Variants in HOMER1 observed in about 807,000 individuals in gnomAD.
The protein encoded by HOMER1 is homer protein homolog 1.
HOMER1 carries 3 observed loss-of-function variants against 48.9 expected under a neutral mutation model. The observed-to-expected ratio is 0.06, with a 90% confidence interval of 0.03 to 0.16. HOMER1 has a LOEUF of 0.16. HOMER1 is among the 10% of genes least tolerant of loss of function. The pLI is 1.00. For missense variants in HOMER1, 247 were observed against 411.4 expected (o/e 0.60, Z 3.46); for synonymous variants, 134 against 146.4 (o/e 0.92, Z 0.61).
At chr5:79,412,240 T>C (rs1749831673) in intron 5 of HOMER1, among the ~76,000 whole-genome samples, 2 of 152,348 alleles carry the variant, frequency 1.3e-5, no homozygotes, top group South Asian at 4.1e-4. Flanking sequence ...TCCACAGCAC[T>C]GCTTGTCTCA....
At chr5:79,478,472 T>G (rs570904675) in intron 1 of HOMER1, among the ~76,000 whole-genome samples, 1 of 151,412 alleles carries the variant, frequency 6.6e-6, no homozygotes, top group East Asian at 2.0e-4. Context: ...GCGGATTGCC[T>G]GAGCTCAGGA....
intron 6 of HOMER1, among the ~76,000 whole-genome samples, chr5:79,399,016 T>C (rs2112216905): frequency 6.6e-6 from 1 of 152,356 alleles, no homozygotes; most frequent in Non-Finnish European, 1.5e-5. Context: ...TCTTGGGAAT[T>C]ATTTCACTTA....
At chr5:79,435,848 C>T (rs1162199036) in intron 5 of HOMER1, among the ~76,000 whole-genome samples, 56 of 140,450 alleles carry the variant, frequency 4.0e-4, no homozygotes, top group Non-Finnish European at 7.1e-4. Context: ...ATAAATAGGC[C>T]GGGCGCGGTG....
intron 8 of HOMER1, among the ~76,000 whole-genome samples, chr5:79,389,787 G>C (rs1377761323): frequency 2.6e-5 from 4 of 152,080 alleles, no homozygotes; most frequent in East Asian, 3.8e-4. Flanking sequence ...AGCACAAAAG[G>C]ACTAAGACAG....
intron 1 of HOMER1, among the ~76,000 whole-genome samples, chr5:79,494,833 C>T (rs1272345416): frequency 6.6e-6 from 1 of 152,224 alleles, no homozygotes; most frequent in African/African-American, 2.4e-5. Context: ...CGTGCCATTG[C>T]ACTCCAGCCT....
At chr5:79,418,746 T>C (rs1161258379) in intron 5 of HOMER1, among the ~76,000 whole-genome samples, 2 of 152,240 alleles carry the variant, frequency 1.3e-5, no homozygotes, top group Non-Finnish European at 2.9e-5. Context: ...CACAGCAATA[T>C]TAAGACGCCC....
At chr5:79,470,837 T>C (rs2112324574) in intron 1 of HOMER1, among the ~76,000 whole-genome samples, 1 of 152,246 alleles carries the variant, frequency 6.6e-6, no homozygotes, top group East Asian at 1.9e-4. Flanking sequence ...TTGTAGCATA[T>C]CCAGTGACAT....
intron 2 of HOMER1, among the ~76,000 whole-genome samples, chr5:79,452,642 G>C (rs1459158897): frequency 1.3e-5 from 2 of 151,982 alleles, no homozygotes; most frequent in African/African-American, 4.8e-5. Flanking sequence ...AGCTATGCAG[G>C]TATTGGAGAA....
intron 1 of HOMER1, among the ~76,000 whole-genome samples, chr5:79,482,454 T>C (rs142125213): frequency 4.6e-5 from 7 of 152,066 alleles, no homozygotes; most frequent in African/African-American, 1.7e-4. Flanking sequence ...GCAGTTACAC[T>C]TGAACGTATT....
intron 8 of HOMER1, among the ~76,000 whole-genome samples, chr5:79,377,764 G>A (rs6865110): frequency 0.021 from 3,244 of 152,166 alleles, 112 homozygotes; most frequent in African/African-American, 0.072. Flanking sequence ...GCAAAAATTC[G>A]TATGCATGAG....
At chr5:79,435,525 A>G (rs1264038884) in intron 5 of HOMER1, among the ~76,000 whole-genome samples, 1 of 152,252 alleles carries the variant, frequency 6.6e-6, no homozygotes, top group Non-Finnish European at 1.5e-5. Flanking sequence ...GCTAAAACAC[A>G]TATTGGAGAA....
chr5:79,503,540 A>G (rs1274342761), intron 1 of HOMER1, among the ~76,000 whole-genome samples: 3 of 145,448 alleles, frequency 2.1e-5, no homozygotes, highest in Admixed American at 2.0e-4. Context: ...AAGAGAAAAA[A>G]AAAAAAAAAA....
chr5:79,441,507 A>G (rs991614370), intron 4 of HOMER1, among the ~76,000 whole-genome samples: 9 of 152,184 alleles, frequency 5.9e-5, no homozygotes, highest in Non-Finnish European at 1.0e-4. Context: ...AGCAATTCCA[A>G]CATCTCAAAG....
intron 1 of HOMER1, among the ~76,000 whole-genome samples, chr5:79,469,077 A>C (rs1361956051): frequency 6.6e-6 from 1 of 152,200 alleles, no homozygotes; most frequent in Non-Finnish European, 1.5e-5. Context: ...AACCACATAA[A>C]GGTAAATTAT....
At chr5:79,464,257 A>G (rs1417981505) in intron 1 of HOMER1, among the ~76,000 whole-genome samples, 1 of 152,220 alleles carries the variant, frequency 6.6e-6, no homozygotes, top group East Asian at 1.9e-4. Context: ...AAATCCAAAC[A>G]TGCCTAACTG....
intron 5 of HOMER1, among the ~76,000 whole-genome samples, chr5:79,438,077 C>T (rs1750643670): frequency 6.6e-6 from 1 of 152,180 alleles, no homozygotes; most frequent in Non-Finnish European, 1.5e-5. Flanking sequence ...TAATATTCAA[C>T]AAATTTCAAT....
At chr5:79,503,643 C>T (rs1752668384) in intron 1 of HOMER1, among the ~76,000 whole-genome samples, 2 of 151,004 alleles carry the variant, frequency 1.3e-5, no homozygotes, top group African/African-American at 4.9e-5. Flanking sequence ...AAGTTCAAGA[C>T]CAGCCTGGCC....
intron 5 of HOMER1, among the ~76,000 whole-genome samples, chr5:79,427,891 G>T (rs752455138): frequency 9.3e-5 from 14 of 151,320 alleles, no homozygotes; most frequent in Non-Finnish European, 1.5e-4. Context: ...ACAAATTAAA[G>T]GAAAAAAATC....
intron 1 of HOMER1, among the ~76,000 whole-genome samples, chr5:79,477,441 T>C (rs998948035): frequency 6.6e-6 from 1 of 152,264 alleles, no homozygotes; most frequent in Non-Finnish European, 1.5e-5. Flanking sequence ...GCTTTTGTCA[T>C]TCACAAGTTC....
Sources: allele counts gnomAD v4.1 joint callset (sites outside exome capture counted in the v4.1 genomes callset), GRCh38; gene constraint gnomAD v4.1.1; transcripts MANE v1.5; gene names NCBI Gene and HGNC (gene_info 2026-07-23, HGNC 2026-07-21).